FBXL20: variants seen among roughly 807,000 people sequenced by gnomAD.
FBXL20 encodes the protein F-box and leucine rich repeat protein 20.
In FBXL20, 11 loss-of-function variants were observed where a neutral mutation model predicts 64.0. The observed-to-expected ratio is 0.17, with a 90% CI of 0.11 to 0.28. FBXL20 has a LOEUF of 0.28. Among genes scored for constraint, FBXL20 ranks in the 10% least tolerant of loss-of-function variants. FBXL20 has a pLI of 1.00. For synonymous variants in FBXL20, 184 were observed against 189.0 expected, an observed-to-expected ratio of 0.97 and a Z score of 0.22; for missense variants, 303 against 526.2, an observed-to-expected ratio of 0.58 and a Z score of 4.15.
At chr17:39,272,384 C>CAAA (rs61446377) in intron 10 of FBXL20, among the ~76,000 whole-genome samples, 2 of 130,934 alleles carry the variant, frequency 1.5e-5, no homozygotes, top group Admixed American at 7.6e-5. Flanking sequence ...GACTTTGTCT[C>CAAA]AAAAAAAAAA....
chr17:39,265,254 C>A (rs1420609657), intron 13 of FBXL20, 143 bp downstream of exon 13: 6 of 611,748 alleles, frequency 9.8e-6, no homozygotes, highest in Non-Finnish European at 1.7e-5. Flanking sequence ...TCATGTACTC[C>A]TTTGGTTCTC....
chr17:39,299,139 G>C, intron 4 of FBXL20, 55 bp from the exon 5 acceptor site: 1 of 1,173,424 alleles, frequency 8.5e-7, no homozygotes, highest in South Asian at 1.3e-5. Context: ...CTTTAGAAAA[G>C]AACACATACT....
chr17:39,366,477 CTT>C (rs1353426898), intron 1 of FBXL20, among the ~76,000 whole-genome samples: 3 of 152,164 alleles, frequency 2.0e-5, no homozygotes, highest in Non-Finnish European at 2.9e-5. Context: ...TCCAGTAGCT[CTT>C]CTCTTTTATT....
intron 2 of FBXL20, among the ~76,000 whole-genome samples, chr17:39,342,326 G>A (rs2047590453): frequency 6.6e-6 from 1 of 151,854 alleles, no homozygotes; most frequent in Non-Finnish European, 1.5e-5. Flanking sequence ...AGCACCCTGA[G>A]AGGCTGATGT....
At chr17:39,377,744 C>T (rs576631852) in intron 1 of FBXL20, among the ~76,000 whole-genome samples, 62 of 152,162 alleles carry the variant, frequency 4.1e-4, no homozygotes, top group African/African-American at 1.3e-3. Flanking sequence ...CCTCGTGATC[C>T]GCTCCCCCTA....
chr17:39,305,857 G>A (rs982338694), intron 2 of FBXL20, among the ~76,000 whole-genome samples: 2 of 151,818 alleles, frequency 1.3e-5, no homozygotes, highest in Non-Finnish European at 2.9e-5. Flanking sequence ...TGGTGGTGGG[G>A]GCGCTTGTAA....
chr17:39,392,085 C>T (rs1335044637), intron 1 of FBXL20, among the ~76,000 whole-genome samples: 1 of 151,832 alleles, frequency 6.6e-6, no homozygotes, highest in African/African-American at 2.4e-5. Context: ...TACAGTGAGT[C>T]GAGATCACGC....
At chr17:39,284,262 T>C (rs1255236914) in intron 7 of FBXL20, among the ~76,000 whole-genome samples, 1 of 152,218 alleles carries the variant, frequency 6.6e-6, no homozygotes, top group Non-Finnish European at 1.5e-5. Flanking sequence ...TGATAAAAGT[T>C]GTTATATTAT....
intron 7 of FBXL20, among the ~76,000 whole-genome samples, chr17:39,285,184 G>A (rs377432846): frequency 2.6e-5 from 4 of 152,278 alleles, no homozygotes; most frequent in South Asian, 4.1e-4. Context: ...GATTACAGGC[G>A]TGAGTCTTCA....
intron 2 of FBXL20, among the ~76,000 whole-genome samples, chr17:39,326,882 CT>C (rs904426291): frequency 2.6e-3 from 338 of 131,084 alleles, no homozygotes; most frequent in Non-Finnish European, 2.7e-3. Context: ...CCTGTCTTGG[CT>C]TTTTTTTTTT....
At chr17:39,367,526 A>G (rs190920743) in intron 1 of FBXL20, among the ~76,000 whole-genome samples, 4 of 151,796 alleles carry the variant, frequency 2.6e-5, no homozygotes, top group Non-Finnish European at 4.4e-5. Context: ...CATGTTGGCC[A>G]GGCTCATCTC....
intron 10 of FBXL20, among the ~76,000 whole-genome samples, chr17:39,274,369 C>T (rs2046872498): frequency 6.6e-6 from 1 of 152,162 alleles, no homozygotes; most frequent in Admixed American, 6.5e-5. Flanking sequence ...CCTCAAAAGA[C>T]AGTAACAGGC....
intron 3 of FBXL20, among the ~76,000 whole-genome samples, chr17:39,301,585 G>A (rs1052131849): frequency 1.7e-4 from 26 of 152,054 alleles, no homozygotes; most frequent in African/African-American, 6.0e-4. Context: ...AAAATTAGCC[G>A]GGTGTGGTGG....
chr17:39,364,451 C>T (rs980554082), intron 1 of FBXL20, among the ~76,000 whole-genome samples: 1 of 151,908 alleles, frequency 6.6e-6, no homozygotes, highest in Non-Finnish European at 1.5e-5. Flanking sequence ...TCAAAAACAA[C>T]AACAAAAATT....
chr17:39,365,589 A>G (rs2047851383), intron 1 of FBXL20, among the ~76,000 whole-genome samples: 1 of 152,164 alleles, frequency 6.6e-6, no homozygotes, highest in East Asian at 1.9e-4. Context: ...CTTCTGTTTC[A>G]TTTACTTAAC....
At chr17:39,400,276 C>T (rs2048228581) in intron 1 of FBXL20, among the ~76,000 whole-genome samples, 1 of 152,164 alleles carries the variant, frequency 6.6e-6, no homozygotes, top group Non-Finnish European at 1.5e-5. Context: ...TCCCAGTTCG[C>T]ATAATAAGAA....
intron 11 of FBXL20, among the ~76,000 whole-genome samples, chr17:39,270,562 T>A (rs140144930): frequency 6.6e-6 from 1 of 151,810 alleles, no homozygotes; most frequent in Non-Finnish European, 1.5e-5. Context: ...TTAAAAAAAA[T>A]TGTTTAAAAA....
chr17:39,261,212 TTAAA>T lies in FBXL20; in HGVS notation c.*244_*247del, dbSNP rs1385368144. On this transcript the variant is annotated 3_prime_UTR_variant, in exon 15 of 15. Coordinates refer to ENST00000264658, the MANE Select transcript of FBXL20 (RefSeq NM_032875.3). ...CTTATGGGCACCTCAACAGGAATGGTTAAATTTTACCAATCTACTTGATAAAAAA... is the reference window on the plus strand; with the variant it reads ...CTTATGGGCACCTCAACAGGAATGGTTTTTACCAATCTACTTGATAAAAAA... 2 of 413,812 alleles carry T rather than the reference TTAAA, an allele frequency of 4.8e-6. No individual in the cohort carries two copies. 25.6% of individuals were successfully genotyped at this position (413,812 alleles called of 1,614,324 possible).
At chr17:39,278,326 A>G (rs2046917830) in intron 9 of FBXL20, among the ~76,000 whole-genome samples, 1 of 151,808 alleles carries the variant, frequency 6.6e-6, no homozygotes, top group Non-Finnish European at 1.5e-5. Flanking sequence ...TTGTATTTTT[A>G]GTAGAGATGG....
Sources: gnomAD v4.1 joint callset for allele counts (sites outside exome capture counted in the v4.1 genomes callset) on GRCh38, gnomAD v4.1.1 for gene constraint, MANE v1.5 for transcripts, NCBI Gene and HGNC (gene_info 2026-07-23, HGNC 2026-07-21) for gene names.